The following CSMD1 variants were observed in gnomAD, a reference collection of about 807,000 sequenced individuals.
CSMD1 encodes the protein CUB and Sushi multiple domains 1.
A neutral mutation model predicts 417.5 loss-of-function variants in CSMD1; 213 were observed. The observed-to-expected ratio is 0.51, with a 90% confidence interval of 0.46 to 0.57. The LOEUF (loss-of-function observed/expected upper bound fraction) is 0.57. Ranked by LOEUF, CSMD1 falls within the 20% of genes least tolerant of loss-of-function variation. The pLI, the probability that CSMD1 is intolerant of heterozygous loss-of-function variation, is 0.00. For synonymous variants in CSMD1, 2,862 were observed against 1,736.8 expected (o/e 1.65, Z -16.11); for missense variants, 6,923 against 4,529.7 (o/e 1.53, Z -15.17).
chr8:3,216,333 T>G (rs1797879486), intron 29 of CSMD1, among the ~76,000 whole-genome samples: 1 of 152,190 alleles, frequency 6.6e-6, no homozygotes, highest in Non-Finnish European at 1.5e-5. Flanking sequence ...ATATTTTATT[T>G]AATCATTCAA....
At chr8:3,734,440 A>G (rs1796424388) in intron 6 of CSMD1, among the ~76,000 whole-genome samples, 1 of 152,196 alleles carries the variant, frequency 6.6e-6, no homozygotes. Context: ...GCCAGGTGCG[A>G]TGGCTCACGC....
chr8:3,482,463 G>C (rs909242030), intron 11 of CSMD1, among the ~76,000 whole-genome samples: 1 of 152,150 alleles, frequency 6.6e-6, no homozygotes, highest in African/African-American at 2.4e-5. Context: ...TGACCCACCA[G>C]AAATATGTAA....
At chr8:3,754,078 A>G in intron 5 of CSMD1, 36 bp from the exon 6 acceptor site, 1 of 1,413,268 alleles carries the variant, frequency 7.1e-7, no homozygotes, top group Non-Finnish European at 1.0e-6. Context: ...TCTCCCTTGT[A>G]AACCAACAGA....
chr8:3,818,099 T>C (rs985520465), intron 5 of CSMD1, among the ~76,000 whole-genome samples: 1 of 147,040 alleles, frequency 6.8e-6, no homozygotes, highest in Non-Finnish European at 1.5e-5. Context: ...CCTGGCACCA[T>C]GTTATTCCCT....
At chr8:4,985,802 C>T (rs1811148400) in intron 1 of CSMD1, among the ~76,000 whole-genome samples, 1 of 151,670 alleles carries the variant, frequency 6.6e-6, no homozygotes, top group Non-Finnish European at 1.5e-5. Flanking sequence ...TAGCTGAAAC[C>T]ATAAGACAAA....
intron 3 of CSMD1, among the ~76,000 whole-genome samples, chr8:4,275,971 G>C (rs187498905): frequency 1.3e-5 from 2 of 152,178 alleles, no homozygotes; most frequent in African/African-American, 2.4e-5. Context: ...TCAGGAAACA[G>C]CAGATGCTGG....
intron 6 of CSMD1, among the ~76,000 whole-genome samples, chr8:3,709,075 C>T (rs6995848): frequency 0.89 from 135,286 of 151,848 alleles, 60,738 homozygotes; most frequent in East Asian, 0.99. Context: ...GAGGTCCTGG[C>T]TTCTAGCATC....
intron 7 of CSMD1, among the ~76,000 whole-genome samples, chr8:3,627,704 T>C (rs1194880183): frequency 1.3e-5 from 2 of 152,188 alleles, no homozygotes; most frequent in Admixed American, 6.5e-5. Flanking sequence ...TTTTATGTAT[T>C]ACATAATTTA....
intron 25 of CSMD1, among the ~76,000 whole-genome samples, chr8:3,287,064 C>T (rs1013474799): frequency 6.6e-6 from 1 of 152,018 alleles, no homozygotes; most frequent in African/African-American, 2.4e-5. Context: ...TTCCCAGCAC[C>T]ATTTATTAAA....
intron 5 of CSMD1, among the ~76,000 whole-genome samples, chr8:3,988,757 C>T (rs1447997873): frequency 6.6e-6 from 1 of 152,166 alleles, no homozygotes; most frequent in Non-Finnish European, 1.5e-5. Flanking sequence ...TATACAAAAA[C>T]AGCCCTGAAT....
At chr8:4,668,708 C>T (rs545557359) in intron 1 of CSMD1, among the ~76,000 whole-genome samples, 77 of 152,028 alleles carry the variant, frequency 5.1e-4, no homozygotes, top group African/African-American at 1.7e-3. Flanking sequence ...CGTCAGCCTC[C>T]CAAAAATAAA....
intron 7 of CSMD1, among the ~76,000 whole-genome samples, chr8:3,635,695 G>A (rs1454764961): frequency 1.3e-5 from 2 of 150,256 alleles, no homozygotes; most frequent in African/African-American, 4.9e-5. Flanking sequence ...GTGTTAGCCA[G>A]GATGGTCTCA....
At chr8:3,902,470 T>A (rs1391589268) in intron 5 of CSMD1, among the ~76,000 whole-genome samples, 2 of 152,062 alleles carry the variant, frequency 1.3e-5, no homozygotes, top group African/African-American at 4.8e-5. Context: ...TTCCATGGAC[T>A]CAAGTGGCAG....
At chr8:4,308,615 G>T (rs547646232) in intron 3 of CSMD1, among the ~76,000 whole-genome samples, 50 of 152,260 alleles carry the variant, frequency 3.3e-4, no homozygotes, top group Non-Finnish European at 6.3e-4. Context: ...AATTTGTTAA[G>T]CCTGCTTTGG....
At chr8:4,091,286 C>A (rs1005094399) in intron 3 of CSMD1, among the ~76,000 whole-genome samples, 1 of 151,940 alleles carries the variant, frequency 6.6e-6, no homozygotes, top group East Asian at 1.9e-4. Flanking sequence ...ATAAAATTTC[C>A]AATTTTATTA....
chr8:3,672,550 G>A (rs757865837), intron 7 of CSMD1, among the ~76,000 whole-genome samples: 1 of 152,188 alleles, frequency 6.6e-6, no homozygotes, highest in African/African-American at 2.4e-5. Context: ...TAAAACAGAG[G>A]TAATAATGGT....
intron 26 of CSMD1, among the ~76,000 whole-genome samples, chr8:3,256,942 C>G (rs1800697867): frequency 6.6e-6 from 1 of 152,162 alleles, no homozygotes; most frequent in Non-Finnish European, 1.5e-5. Context: ...TTTACATTAT[C>G]TAAAACTCAG....
chr8:4,482,827 A>C (rs1019836266), intron 2 of CSMD1, among the ~76,000 whole-genome samples: 7 of 152,156 alleles, frequency 4.6e-5, no homozygotes, highest in Non-Finnish European at 1.0e-4. Flanking sequence ...AGAAATGCAA[A>C]TCAATACTAA....
intron 41 of CSMD1, among the ~76,000 whole-genome samples, chr8:3,135,317 T>C (rs1263223510): frequency 2.0e-5 from 3 of 152,264 alleles, no homozygotes; most frequent in Non-Finnish European, 4.4e-5. Context: ...TTCATTTACA[T>C]AGAGTTTTAA....
Sources: allele counts gnomAD v4.1 joint callset (sites outside exome capture counted in the v4.1 genomes callset), GRCh38; gene constraint gnomAD v4.1.1; transcripts MANE v1.5; gene names NCBI Gene and HGNC (gene_info 2026-07-23, HGNC 2026-07-21).